The following ITSN2 variants were observed in gnomAD, a reference collection of about 807,000 sequenced individuals.
The protein encoded by ITSN2 is intersectin-2.
ITSN2 carries 156 observed loss-of-function variants against 243.7 expected under a neutral mutation model. The observed-to-expected ratio is 0.64, with a 90% CI of 0.56 to 0.73. ITSN2 has a LOEUF of 0.73. Ranked by LOEUF, ITSN2 falls within the 30% of genes least tolerant of loss-of-function variation. The pLI, the probability that ITSN2 is intolerant of heterozygous loss-of-function variation, is 0.00. For missense variants in ITSN2, 1,801 were observed against 1,996.1 expected (o/e 0.90, Z 1.86); for synonymous variants, 703 against 699.9 (o/e 1.00, Z -0.07).
chr2:24,330,628 A>C, intron 1 of ITSN2: 2 of 758,272 alleles, frequency 2.6e-6, no homozygotes, highest in Non-Finnish European at 4.8e-6. Flanking sequence ...GGAGATGCTA[A>C]AACAGACGGG....
At chr2:24,357,175 A>T (rs1688525507) in intron 1 of ITSN2, among the ~76,000 whole-genome samples, 1 of 152,210 alleles carries the variant, frequency 6.6e-6, no homozygotes, top group Non-Finnish European at 1.5e-5. Context: ...ACACATGCAC[A>T]CGTATGTTTA....
Position 24,302,063 on chromosome 2 carries a change from T to C in ITSN2, c.897A>G (p.Ala299=), listed in dbSNP as rs762856430. ...ADVDGDGQLK[A]EEFILAMHLT... ...GGTGCATTGCAAGAATAAACTCTTCTGCTTTTAGCTGTCCATCACCATCAA... is the reference window on the plus strand; with the variant it reads ...GGTGCATTGCAAGAATAAACTCTTCCGCTTTTAGCTGTCCATCACCATCAA... Residue 299 remains alanine, a synonymous_variant, in exon 10 of 40, where the codon GCA becomes GCG. Transcript: ENST00000355123. 86 of 1,612,224 alleles carry C rather than the reference T, an allele frequency of 5.3e-5. No individual in the cohort carries two copies. The highest frequency in any genetic ancestry group is 2.3e-5 in the Non-Finnish European group (27 of 1,178,802).
At chr2:24,252,582 A>T in intron 24 of ITSN2, 71 bp from the exon 25 acceptor site, 1 of 1,148,236 alleles carries the variant, frequency 8.7e-7, no homozygotes, top group East Asian at 2.4e-5. Flanking sequence ...AAATTAGGTT[A>T]TTCTCCAAGA....
At chr2:24,257,743 C>G (rs1367857343) in intron 23 of ITSN2, 145 bp downstream of exon 23, 1 of 680,928 alleles carries the variant, frequency 1.5e-6, no homozygotes, top group Non-Finnish European at 2.5e-6. Flanking sequence ...AGGTGTGAGC[C>G]ACCACGGCCG....
At chr2:24,315,321 C>T in intron 2 of ITSN2, 97 bp from the exon 3 acceptor site, 1 of 659,240 alleles carries the variant, frequency 1.5e-6, no homozygotes, top group African/African-American at 1.8e-5. Flanking sequence ...CATTGTATGA[C>T]AGTATTTAAT....
chr2:24,270,132 A>T (rs780549852), intron 20 of ITSN2, among the ~76,000 whole-genome samples: 10 of 152,214 alleles, frequency 6.6e-5, no homozygotes, highest in Non-Finnish European at 1.0e-4. Flanking sequence ...CATTAGTTTA[A>T]CAAGAAGAAA....
intron 29 of ITSN2, among the ~76,000 whole-genome samples, chr2:24,243,727 G>A (rs369474564): frequency 2.0e-5 from 3 of 152,184 alleles, no homozygotes; most frequent in African/African-American, 2.4e-5. Context: ...ATAGGTGTGC[G>A]CCACTGTGCC....
At chr2:24,260,885 C>A (rs1675758339) in intron 22 of ITSN2, among the ~76,000 whole-genome samples, 1 of 114,582 alleles carries the variant, frequency 8.7e-6, no homozygotes. Context: ...GCCTGGGCAA[C>A]AGAGTGAGGC....
intron 1 of ITSN2, among the ~76,000 whole-genome samples, chr2:24,337,428 G>C (rs1686574049): frequency 6.9e-6 from 1 of 144,812 alleles, no homozygotes; most frequent in African/African-American, 2.6e-5. Flanking sequence ...TCGGCTCACT[G>C]CAACCTCAGC....
At chr2:24,279,454 T>C (rs1678467138) in intron 17 of ITSN2, among the ~76,000 whole-genome samples, 1 of 152,214 alleles carries the variant, frequency 6.6e-6, no homozygotes, top group Non-Finnish European at 1.5e-5. Flanking sequence ...TAATTTTGTT[T>C]TTTCACAAAT....
At chr2:24,319,171 G>A (rs116051432) in intron 2 of ITSN2, among the ~76,000 whole-genome samples, 189 of 152,294 alleles carry the variant, frequency 1.2e-3, no homozygotes, top group African/African-American at 4.4e-3. Flanking sequence ...ATTCTGGTTA[G>A]GGTTTATGAA....
At chr2:24,282,295 G>A (rs1678885594) in intron 17 of ITSN2, among the ~76,000 whole-genome samples, 1 of 152,238 alleles carries the variant, frequency 6.6e-6, no homozygotes, top group Non-Finnish European at 1.5e-5. Context: ...AGGCCAGCAG[G>A]CCACTGACCA....
chr2:24,284,010 T>C (rs1679154083), intron 17 of ITSN2, among the ~76,000 whole-genome samples: 1 of 152,182 alleles, frequency 6.6e-6, no homozygotes, highest in Non-Finnish European at 1.5e-5. Context: ...GAACTCTACT[T>C]ATCATGTTTC....
intron 14 of ITSN2, among the ~76,000 whole-genome samples, chr2:24,295,281 A>AG (rs1680800969): frequency 2.6e-5 from 4 of 152,182 alleles, no homozygotes; most frequent in African/African-American, 9.6e-5. Context: ...TTGACCCCCA[A>AG]AACAAAACTC....
intron 2 of ITSN2, chr2:24,321,848 T>A: frequency 6.6e-6 from 1 of 152,210 alleles, no homozygotes; most frequent in East Asian, 1.9e-4. Context: ...AGGGACTTTA[T>A]ATGCAGCAAC....
intron 1 of ITSN2, among the ~76,000 whole-genome samples, chr2:24,347,831 G>C (rs992223488): frequency 6.6e-6 from 1 of 151,948 alleles, no homozygotes; most frequent in African/African-American, 2.4e-5. Context: ...TAGCGCTTTT[G>C]GGAGGCCAAC....
chr2:24,215,170 TTTC>T (rs1366837338), intron 32 of ITSN2, among the ~76,000 whole-genome samples: 5 of 152,232 alleles, frequency 3.3e-5, no homozygotes, highest in Admixed American at 2.0e-4. Context: ...GAACTGATCC[TTTC>T]TTCTTCTGCT....
rs759644202 is a variant in ITSN2, at chr2:24,301,938, T to C, written c.995+27A>G. On this transcript the variant is annotated intron_variant, in intron 10 of 39. Transcript: ENST00000355123. ...CACATCTGCCAAGTTATCAAAACCA[T>C]AGTTCTCCACCTCCAGGCACACTCA... 20 of 1,586,586 alleles carry C rather than the reference T, an allele frequency of 1.3e-5. No homozygotes were observed. In the East Asian group the frequency reaches 3.7e-4, roughly 29 times the overall value.
At chr2:24,214,841 A>G (rs1669815411) in intron 32 of ITSN2, among the ~76,000 whole-genome samples, 1 of 152,158 alleles carries the variant, frequency 6.6e-6, no homozygotes, top group South Asian at 2.1e-4. Context: ...TATTTAAATT[A>G]TATACTCTCC....
Sources: allele counts gnomAD v4.1 joint callset (sites outside exome capture counted in the v4.1 genomes callset), GRCh38; gene constraint gnomAD v4.1.1; transcripts MANE v1.5; gene names NCBI Gene and HGNC (gene_info 2026-07-23, HGNC 2026-07-21).